The following PITPNB variants were observed in gnomAD, a reference collection of about 807,000 sequenced individuals.
PITPNB encodes phosphatidylinositol transfer protein beta isoform.
A neutral mutation model predicts 45.9 loss-of-function variants in PITPNB; 16 were observed. The observed-to-expected ratio is 0.35, with a 90% CI of 0.24 to 0.53. The LOEUF (loss-of-function observed/expected upper bound fraction) is 0.53. PITPNB is among the 20% of genes least tolerant of loss of function. The probability of loss-of-function intolerance (pLI) is 0.93; values close to 1 mark genes in which losing one functional copy is unlikely to be tolerated. For missense variants in PITPNB, 188 were observed against 330.5 expected (o/e 0.57, Z 3.34); for synonymous variants, 112 against 108.9 (o/e 1.03, Z -0.18).
chr22:27,903,591 A>G (rs371365938), intron 3 of PITPNB, among the ~76,000 whole-genome samples: 235 of 151,836 alleles, frequency 1.5e-3, no homozygotes, highest in Non-Finnish European at 2.0e-3. Flanking sequence ...AGCCTGGGCA[A>G]TACAGGGAGA....
At chr22:27,891,015 C>T (rs888547911) in intron 7 of PITPNB, among the ~76,000 whole-genome samples, 3 of 152,098 alleles carry the variant, frequency 2.0e-5, no homozygotes, top group African/African-American at 7.2e-5. Context: ...ATGAAATATC[C>T]AGAATAGGCA....
At chr22:27,896,442 G>T in intron 6 of PITPNB, 110 bp downstream of exon 6, 1 of 764,778 alleles carries the variant, frequency 1.3e-6, no homozygotes, top group Non-Finnish European at 2.3e-6. Context: ...GACACAGCTT[G>T]GTGCGGTCAG....
Position 27,901,048 on chromosome 22 carries a change from TC to T in PITPNB, c.198-3157del, listed in dbSNP as rs775227755. Among the ~76,000 whole-genome samples, 25 of 152,078 alleles carry T rather than the reference TC, an allele frequency of 1.6e-4. No individual in the cohort carries two copies. In the East Asian group the frequency reaches 1.7e-3, roughly 11 times the overall value. On this transcript the variant is annotated intron_variant, in intron 3 of 11. Transcript: ENST00000335272. ...TCCTTCAGTTGTCCTCCCAAACTAT[TC>T]ACAAAATGGTGCTCCCTCATGATAA... is the stretch of plus-strand genomic sequence containing the variant.
At chr22:27,873,691 G>T in intron 8 of PITPNB, 47 bp downstream of exon 8, 2 of 1,128,628 alleles carry the variant, frequency 1.8e-6, no homozygotes, top group African/African-American at 1.5e-5. Flanking sequence ...CCTGTCAAGT[G>T]TTCTGTTGCC....
intron 8 of PITPNB, among the ~76,000 whole-genome samples, chr22:27,864,601 T>C (rs762888544): frequency 1.9e-4 from 29 of 152,194 alleles, no homozygotes; most frequent in Non-Finnish European, 2.9e-4. Flanking sequence ...AAATACTTCA[T>C]AGGCCTTCCA....
intron 8 of PITPNB, among the ~76,000 whole-genome samples, chr22:27,863,366 G>A (rs899337221): frequency 1.3e-5 from 2 of 152,182 alleles, no homozygotes; most frequent in Non-Finnish European, 1.5e-5. Context: ...GTCTAGGGCT[G>A]TAGGTGGTAA....
At position 27,852,431 on chromosome 22, in the gene PITPNB, A is replaced by C. The variant is rs1934046211; in HGVS notation, c.*1271T>G. ...ATAAAAAATAAAATTAAATTAAAAA[A>C]AGTGGCAGCCGTTTCTGACCAGCAC... On this transcript the variant is annotated 3_prime_UTR_variant, in exon 12 of 12. Coordinates refer to ENST00000335272, the MANE Select transcript of PITPNB (RefSeq NM_012399.5). 2.0e-5 allele frequency: 3 copies of C among 152,260 alleles called. No homozygotes were observed. The highest frequency in any genetic ancestry group is 7.2e-5 in the African/African-American group (3 of 41,464). 9.4% of individuals were successfully genotyped at this position (152,260 alleles called of 1,614,324 possible).
chr22:27,853,265 A>G lies in PITPNB; in HGVS notation c.*437T>C. On this transcript the variant is annotated 3_prime_UTR_variant, in exon 12 of 12. Coordinates refer to ENST00000335272, the MANE Select transcript of PITPNB (RefSeq NM_012399.5). ...CAGCTTGACATTTATGAAACATACC[A>G]GCTAGTATTACATTGCAGTCAATTT... The G allele has an allele frequency of 4.4e-6, 1 of 225,332 alleles. No homozygotes were observed. 14.0% of individuals were successfully genotyped at this position (225,332 alleles called of 1,614,324 possible).
intron 3 of PITPNB, among the ~76,000 whole-genome samples, chr22:27,898,766 G>A (rs1935508732): frequency 6.6e-6 from 1 of 152,188 alleles, no homozygotes. Context: ...CAGAGGAAGA[G>A]AAAGGTTCAA....
chr22:27,910,965 T>C lies in PITPNB; in HGVS notation c.196A>G (p.Ser66Gly), dbSNP rs757492772. Reference sequence around the variant, plus strand: ...GCGTCAAATGTGAACACCGCTTACCTCTTTAGGTGATAAATTTTGTGCGTA... The same window carrying C: ...GCGTCAAATGTGAACACCGCTTACCCCTTTAGGTGATAAATTTTGTGCGTA... ...QYTHKIYHLK[S>G]KVPAFVRMIA... The change falls in exon 3 of 12, where the codon AGC (serine) becomes GGC (glycine). Residue 66 changes from serine (S) to glycine (G), a missense_variant and splice_region_variant. By Grantham distance (56) the Ser-to-Gly change is moderately conservative. Transcript: ENST00000335272. 2.5e-6 allele frequency: 4 copies of C among 1,612,862 alleles called. No individual in the cohort carries two copies. Among genetic ancestry groups the C allele is most frequent in the Non-Finnish European group, 3.4e-6 (4 of 1,178,884 alleles).
intron 7 of PITPNB, among the ~76,000 whole-genome samples, chr22:27,892,852 A>G (rs1280669430): frequency 6.6e-6 from 1 of 152,206 alleles, no homozygotes; most frequent in Admixed American, 6.5e-5. Context: ...CACACTTCTA[A>G]GCAGGAAGGG....
rs114550550 is a variant in PITPNB, at chr22:27,874,457, C to G, written c.457-642G>C. Among the ~76,000 whole-genome samples, 876 of 152,280 alleles carry G rather than the reference C, an allele frequency of 5.8e-3. 9 individuals carry two copies. Among genetic ancestry groups the G allele is most frequent in the African/African-American group, 0.02 (849 of 41,548 alleles). ...GAGGCGAAGGAGGGGTGTCACGGGACTGCCTCAGTTATATACCACAGGGGA... is the reference window on the plus strand; with the variant it reads ...GAGGCGAAGGAGGGGTGTCACGGGAGTGCCTCAGTTATATACCACAGGGGA... On this transcript the variant is annotated intron_variant, in intron 7 of 11. Transcript: ENST00000335272.
At chr22:27,871,657 A>C (rs1484228735) in intron 8 of PITPNB, among the ~76,000 whole-genome samples, 1 of 152,240 alleles carries the variant, frequency 6.6e-6, no homozygotes, top group South Asian at 2.1e-4. Context: ...AATCCATTAA[A>C]GCAAATTTAC....
At position 27,897,821 on chromosome 22, in the gene PITPNB, G is replaced by A. The variant is rs150364097; in HGVS notation, c.269C>T (p.Ala90Val). 1.4e-5 allele frequency: 23 copies of A among 1,612,032 alleles called. No homozygotes were observed. Among genetic ancestry groups the A allele is most frequent in the Non-Finnish European group, 1.9e-5 (22 of 1,178,172 alleles). Residue 90 changes from alanine to valine, a missense_variant, in exon 4 of 12, where the codon GCG becomes GTG. Physicochemically the swap from Ala to Val is moderately conservative, Grantham distance 64. Coordinates refer to ENST00000335272, the MANE Select transcript of PITPNB (RefSeq NM_012399.5). ...CTTACTTGTTCTACAGTAGGGGTAC[G>A]CATTCCAGGCTTTCTCATGAAACAC... is the stretch of plus-strand genomic sequence containing the variant. ...SLVFHEKAWN[A>V]YPYCRTIVTN...
At chr22:27,897,729 A>C (rs1486358936) in intron 4 of PITPNB, 72 bp downstream of exon 4, 1 of 986,920 alleles carries the variant, frequency 1.0e-6, no homozygotes, top group Non-Finnish European at 1.6e-6. Flanking sequence ...ACCTTCTCAA[A>C]GACACTGGTA....
intron 7 of PITPNB, among the ~76,000 whole-genome samples, chr22:27,875,227 C>T (rs956031352): frequency 6.6e-6 from 1 of 152,220 alleles, no homozygotes; most frequent in Non-Finnish European, 1.5e-5. Flanking sequence ...CAACAATAAG[C>T]TCAAAGTATT....
At chr22:27,872,568 TC>T (rs1934700712) in intron 8 of PITPNB, among the ~76,000 whole-genome samples, 2 of 152,214 alleles carry the variant, frequency 1.3e-5, no homozygotes. Flanking sequence ...AATTCATTTT[TC>T]CTTTTAGTTG....
intron 3 of PITPNB, among the ~76,000 whole-genome samples, chr22:27,906,183 G>A (rs1231548302): frequency 6.6e-6 from 1 of 152,150 alleles, no homozygotes; most frequent in South Asian, 2.1e-4. Flanking sequence ...GGTTATGAGA[G>A]GCCCCAGCAT....
chr22:27,896,261 G>A (rs1238098154), intron 6 of PITPNB, among the ~76,000 whole-genome samples: 1 of 152,162 alleles, frequency 6.6e-6, no homozygotes, highest in East Asian at 1.9e-4. Context: ...CAAAACTAAT[G>A]GCTAAAATTG....
Sources: gnomAD v4.1 joint callset for allele counts (sites outside exome capture counted in the v4.1 genomes callset) on GRCh38, gnomAD v4.1.1 for gene constraint, MANE v1.5 for transcripts, NCBI Gene and HGNC (gene_info 2026-07-23, HGNC 2026-07-21) for gene names.